Variants in EDEM3 observed in about 807,000 individuals in gnomAD.
The protein encoded by EDEM3 is ER degradation-enhancing alpha-mannosidase-like protein 3.
Under a neutral mutation model 110.2 loss-of-function variants are expected in EDEM3, and 60 were observed. That is an observed-to-expected ratio of 0.54 (90% CI 0.44 to 0.67). The LOEUF is 0.67. EDEM3 is among the 30% of genes least tolerant of loss of function. The pLI, the probability that EDEM3 is intolerant of heterozygous loss-of-function variation, is 0.00. For synonymous variants in EDEM3, 352 were observed against 382.9 expected, an observed-to-expected ratio of 0.92 and a Z score of 0.94; for missense variants, 996 against 1,121.0, an observed-to-expected ratio of 0.89 and a Z score of 1.59.
intron 6 of EDEM3, among the ~76,000 whole-genome samples, chr1:184,727,481 CAA>C (rs1651253651): frequency 2.6e-5 from 4 of 152,218 alleles, no homozygotes; most frequent in Admixed American, 2.6e-4. Context: ...AGTTATTATT[CAA>C]ACTCTATATA....
rs1390967200 is a variant in EDEM3, at chr1:184,719,122, T to TTG, written c.1161+38_1161+39dup. The TTG allele has an allele frequency of 1.7e-5, 19 of 1,145,936 alleles. No homozygotes were observed. The East Asian group carries it at 4.3e-4, about 26-fold the overall frequency. The allele number at this position is 1,145,936 out of a possible 1,614,324, so 71.0% of individuals were successfully genotyped here. On this transcript the variant is annotated intron_variant, in intron 11 of 19. Coordinates refer to ENST00000318130, the MANE Select transcript of EDEM3 (RefSeq NM_025191.4). ...TGTGTACGTGTGTGTGTGTGTGTGTTTGTGTGTGTGTAAGATTATTCCAAA... is the reference window on the plus strand; with the variant it reads ...TGTGTACGTGTGTGTGTGTGTGTGTTTGTGTGTGTGTGTAAGATTATTCCAAA...
chr1:184,706,593 T>G (rs749995660), intron 18 of EDEM3, 50 bp downstream of exon 18: 14 of 1,434,462 alleles, frequency 9.8e-6, no homozygotes, highest in Admixed American at 2.4e-5. Flanking sequence ...GAAAAAATCC[T>G]AAAAATTATC....
chr1:184,721,317 T>C lies in EDEM3; in HGVS notation c.923A>G (p.Asp308Gly), dbSNP rs771914694. 23 of 1,604,678 alleles carry C rather than the reference T, an allele frequency of 1.4e-5. No individual in the cohort carries two copies. Among genetic ancestry groups the C allele is most frequent in the Non-Finnish European group, 3.4e-6 (4 of 1,176,676 alleles). The change falls in exon 9 of 20, where the codon GAT (aspartate) becomes GGT (glycine). Residue 308 changes from aspartate (D) to glycine (G), a missense_variant. This residue lies in a region of EDEM3 where 310 missense variants were observed against 394.6 expected (regional missense o/e 0.79). Coordinates refer to ENST00000318130, the MANE Select transcript of EDEM3 (RefSeq NM_025191.4). ...GTTAAATCTTTCCAGAAAACTGTCA[T>C]CTCCAAGCAAGACATAGGCTTTCAA... ...YLLKAYVLLG[D>G]DSFLERFNTH...
At chr1:184,728,402 T>C (rs1199881444) in intron 6 of EDEM3, among the ~76,000 whole-genome samples, 1 of 152,224 alleles carries the variant, frequency 6.6e-6, no homozygotes, top group African/African-American at 2.4e-5. Flanking sequence ...TATTCCACTT[T>C]CAGTATCTTT....
chr1:184,717,107 G>A, intron 12 of EDEM3, 95 bp from the exon 13 acceptor site: 1 of 1,003,780 alleles, frequency 1.0e-6, no homozygotes, highest in Non-Finnish European at 1.4e-6. Flanking sequence ...CCTACTAGGT[G>A]CCAGGCACTG....
chr1:184,700,812 T>C (rs1340165923), intron 19 of EDEM3, among the ~76,000 whole-genome samples: 1 of 152,002 alleles, frequency 6.6e-6, no homozygotes, highest in Non-Finnish European at 1.5e-5. Flanking sequence ...ACTATTACCA[T>C]TGATTTCTGT....
chr1:184,693,106 G>A lies in EDEM3; in HGVS notation c.*957C>T, dbSNP rs1235100076. On this transcript the variant is annotated 3_prime_UTR_variant, in exon 20 of 20. Coordinates refer to ENST00000318130, the MANE Select transcript of EDEM3 (RefSeq NM_025191.4). The stretch of plus-strand genomic sequence containing the variant: ...AAATGTATATAGCTGTTGGCGATAC[G>A]AGCCTTGTGGCTCAAATTGCATACC... The A allele has an allele frequency of 2.6e-5, 4 of 155,148 alleles. No individual in the cohort carries two copies. The highest frequency in any genetic ancestry group is 4.4e-5 in the Non-Finnish European group (3 of 68,242). 9.6% of individuals were successfully genotyped at this position (155,148 alleles called of 1,614,324 possible). A position where few individuals can be genotyped will look rare whatever the true frequency, so the allele number is the denominator to read the frequency against.
Position 184,754,808 on chromosome 1 carries a change from G to T in EDEM3, c.-162C>A. The T allele has an allele frequency of 8.4e-7, 1 of 1,192,522 alleles. No individual in the cohort carries two copies. The highest frequency in any genetic ancestry group is 1.1e-6 in the Non-Finnish European group (1 of 901,072). 73.9% of individuals were successfully genotyped at this position (1,192,522 alleles called of 1,614,324 possible). A position where few individuals can be genotyped will look rare whatever the true frequency, so the allele number is the denominator to read the frequency against. On this transcript the variant is annotated 5_prime_UTR_variant, in exon 1 of 20. Transcript: ENST00000318130. ...AACTGTTTCCCGAAGCCACCAAGCC[G>T]GTCCCCAGCGCCAGCGCTGCCACCG...
chr1:184,732,173 T>TC (rs937685645), intron 6 of EDEM3, among the ~76,000 whole-genome samples: 159 of 148,246 alleles, frequency 1.1e-3, no homozygotes, highest in South Asian at 5.0e-3. Context: ...GAGACTCCAT[T>TC]CCCCCCCACC....
Position 184,754,623 on chromosome 1 carries a change from G to GT in EDEM3, c.23_24insA (p.Cys9LeufsTer38). On this transcript the variant is annotated frameshift_variant, in exon 1 of 20. Coordinates refer to ENST00000318130, the MANE Select transcript of EDEM3 (RefSeq NM_025191.4). LOFTEE classifies it high-confidence loss of function. ...CTCGCTGGGGAACCGGGGACCCACA[G>GT]CCCCGGCCGCCGGCTTCGCTCATGG... The GT allele has an allele frequency of 6.3e-7, 1 of 1,593,342 alleles. No individual in the cohort carries two copies.
chr1:184,695,380 G>A (rs929232755), intron 19 of EDEM3, among the ~76,000 whole-genome samples: 5 of 151,854 alleles, frequency 3.3e-5, no homozygotes, highest in African/African-American at 7.3e-5. Context: ...AAATAATCAC[G>A]GAAAATAAAT....
intron 1 of EDEM3, among the ~76,000 whole-genome samples, chr1:184,752,255 C>T (rs1652809776): frequency 6.6e-6 from 1 of 152,058 alleles, no homozygotes; most frequent in Admixed American, 6.5e-5. Flanking sequence ...AGTTATTGAG[C>T]AATTGCTTAC....
At chr1:184,717,064 A>G in intron 12 of EDEM3, 52 bp from the exon 13 acceptor site, 2 of 1,403,506 alleles carry the variant, frequency 1.4e-6, no homozygotes, top group Non-Finnish European at 1.9e-6. Flanking sequence ...ATATTACCAC[A>G]TATCCATTCA....
chr1:184,721,784 T>C (rs1571383007), intron 8 of EDEM3, among the ~76,000 whole-genome samples: 2 of 151,868 alleles, frequency 1.3e-5, no homozygotes, highest in South Asian at 4.1e-4. Flanking sequence ...GAAGAAATGT[T>C]ATCTAACACA....
intron 8 of EDEM3, among the ~76,000 whole-genome samples, chr1:184,722,156 T>C (rs1053309927): frequency 6.6e-5 from 10 of 152,034 alleles, no homozygotes; most frequent in African/African-American, 2.2e-4. Flanking sequence ...ACCATGAAAA[T>C]AATAGTTCTC....
chr1:184,703,034 C>A lies in EDEM3; in HGVS notation c.2204-38G>T, dbSNP rs745551787. 4.0e-6 allele frequency: 6 copies of A among 1,499,048 alleles called. No individual in the cohort carries two copies. The African/African-American group carries it at 7.1e-5, about 18-fold the overall frequency. 92.9% of individuals were successfully genotyped at this position (1,499,048 alleles called of 1,614,324 possible). A position where few individuals can be genotyped will look rare whatever the true frequency, so the allele number is the denominator to read the frequency against. On this transcript the variant is annotated intron_variant, in intron 18 of 19. Transcript: ENST00000318130. ...TAAATACAGCAAACATCAAAATATC[C>A]AGCCATTAAAAAGATCTATCTACTA...
intron 2 of EDEM3, among the ~76,000 whole-genome samples, chr1:184,748,575 T>C (rs571656604): frequency 1.3e-5 from 2 of 152,218 alleles, no homozygotes; most frequent in African/African-American, 4.8e-5. Context: ...CCTAAAAACA[T>C]TAAGAACTCA....
At chr1:184,707,725 A>G (rs1650009455) in intron 17 of EDEM3, among the ~76,000 whole-genome samples, 1 of 152,196 alleles carries the variant, frequency 6.6e-6, no homozygotes, top group Admixed American at 6.5e-5. Flanking sequence ...AATGATCTTC[A>G]AAGTTTGCCC....
intron 6 of EDEM3, among the ~76,000 whole-genome samples, chr1:184,728,433 T>C (rs1040206065): frequency 1.3e-4 from 20 of 152,164 alleles, no homozygotes; most frequent in Non-Finnish European, 1.5e-5. Flanking sequence ...TGGAAATACT[T>C]TGAATCATGA....
Sources: gnomAD v4.1 joint callset for allele counts (sites outside exome capture counted in the v4.1 genomes callset) on GRCh38, gnomAD v4.1.1 for gene constraint, gnomAD v4.1.1 regional missense constraint, MANE v1.5 for transcripts, NCBI Gene and HGNC (gene_info 2026-07-23, HGNC 2026-07-21) for gene names.